PLEKHG7: variants seen among roughly 807,000 people sequenced by gnomAD.
The protein encoded by PLEKHG7 is pleckstrin homology and RhoGEF domain containing G7.
PLEKHG7 carries 77 observed loss-of-function variants against 85.2 expected under a neutral mutation model. The ratio of observed to expected loss-of-function variants is 0.90; its 90% CI spans 0.75 to 1.09. The LOEUF (loss-of-function observed/expected upper bound fraction) is 1.09. Among genes scored for constraint, PLEKHG7 ranks in the 50% least tolerant of loss-of-function variants. The pLI, the probability that PLEKHG7 is intolerant of heterozygous loss-of-function variation, is 0.00. For synonymous variants in PLEKHG7, 301 were observed against 302.4 expected (o/e 1.00, Z 0.05); for missense variants, 777 against 804.3 (o/e 0.97, Z 0.41).
chr12:92,726,345 G>C (rs865786531), intron 3 of PLEKHG7, among the ~76,000 whole-genome samples: 4 of 152,230 alleles, frequency 2.6e-5, no homozygotes, highest in Middle Eastern at 6.8e-3. Flanking sequence ...TATCCAAAAG[G>C]GTGTGACAAA....
chr12:92,758,910 G>C (rs1162716828), intron 13 of PLEKHG7, among the ~76,000 whole-genome samples: 2 of 152,202 alleles, frequency 1.3e-5, no homozygotes, highest in Non-Finnish European at 2.9e-5. Flanking sequence ...TGAGGAAACA[G>C]GACATCATTT....
In PLEKHG7 at chr12:92,756,416, A is replaced by G. The variant is rs758145432; in HGVS notation, c.1636+25A>G. Reference sequence around the variant, plus strand: ...GGTAAATAACTGCTTCCTTTAAAAAACCCAACATCTGTGCCGCCTTGTAAC... The same window carrying G: ...GGTAAATAACTGCTTCCTTTAAAAAGCCCAACATCTGTGCCGCCTTGTAAC... On this transcript the variant is annotated intron_variant, in intron 13 of 16. Coordinates refer to ENST00000344636, the MANE Select transcript of PLEKHG7 (RefSeq NM_001377329.1). The G allele has an allele frequency of 1.9e-6, 3 of 1,541,788 alleles. No homozygotes were observed. In the East Asian group the frequency reaches 6.7e-5, roughly 35 times the overall value.
intron 3 of PLEKHG7, among the ~76,000 whole-genome samples, chr12:92,727,950 G>C (rs1871866114): frequency 7.6e-6 from 1 of 131,780 alleles, no homozygotes; most frequent in Non-Finnish European, 1.6e-5. Context: ...GTGTGTGTGT[G>C]TGTGTGTGTG....
rs752596083 is a variant in PLEKHG7, at chr12:92,764,119, T to G, written c.1795T>G (p.Ser599Ala). The G allele has an allele frequency of 1.9e-6, 3 of 1,613,090 alleles. No homozygotes were observed. In the Admixed American group the frequency reaches 5.0e-5, roughly 27 times the overall value. ...GCAAGCAGTAATAAAAGAGGGTGGTTCGTGTACAGTACTCGATCAGCCTAT... is the reference window on the plus strand; with the variant it reads ...GCAAGCAGTAATAAAAGAGGGTGGTGCGTGTACAGTACTCGATCAGCCTAT... ...ELQAVIKEGG[S>A]CTVLDQPIPL... The change falls in exon 15 of 17, where the codon TCG (serine) becomes GCG (alanine). Residue 599 changes from serine to alanine, a missense_variant. Around this residue, in one of 3 missense-constraint regions of PLEKHG7, gnomAD observed 520 missense variants for 544.0 expected, o/e 0.96. Coordinates refer to ENST00000344636, the MANE Select transcript of PLEKHG7 (RefSeq NM_001377329.1).
rs1872811055 is a variant in PLEKHG7, at chr12:92,755,852, T to C, written c.1454T>C (p.Leu485Pro). 1 of 1,613,528 alleles carries C rather than the reference T, an allele frequency of 6.2e-7. No individual in the cohort carries two copies. Residue 485 changes from leucine to proline, a missense_variant, in exon 12 of 17, where the codon CTG becomes CCG. Coordinates refer to ENST00000344636, the MANE Select transcript of PLEKHG7 (RefSeq NM_001377329.1). ...IRDLEGKVKW[L>P]DNFQKFRYLQ... ...GACCTTGAAGGAAAAGTGAAGTGGC[T>C]GGACAATTTCCAAAAATTTAGATAT... is the stretch of plus-strand genomic sequence containing the variant.
At chr12:92,742,443 G>A (rs934391813) in intron 9 of PLEKHG7, among the ~76,000 whole-genome samples, 1 of 152,128 alleles carries the variant, frequency 6.6e-6, no homozygotes, top group African/African-American at 2.4e-5. Context: ...GTCACAGATA[G>A]GAAATGCTTC....
chr12:92,722,989 G>A (rs1344493361), intron 3 of PLEKHG7, among the ~76,000 whole-genome samples: 1 of 151,794 alleles, frequency 6.6e-6, no homozygotes, highest in South Asian at 2.1e-4. Context: ...CCCTCCCTGA[G>A]TGGGTCGGAA....
chr12:92,756,213 A>T, intron 12 of PLEKHG7, 85 bp from the exon 13 acceptor site: 2 of 984,790 alleles, frequency 2.0e-6, no homozygotes, highest in South Asian at 3.0e-5. Flanking sequence ...AACTTTCTAG[A>T]TGGAGTTAAT....
In PLEKHG7 at chr12:92,759,891, T is replaced by TA. The variant is rs550549013; in HGVS notation, c.1637-1855dup. Among the ~76,000 whole-genome samples the TA allele has an allele frequency of 3.1e-4, 47 of 152,282 alleles. 1 individual carries two copies. Among genetic ancestry groups the TA allele is most frequent in the Non-Finnish European group, 4.7e-4 (32 of 68,012 alleles). On this transcript the variant is annotated intron_variant, in intron 13 of 16. Transcript: ENST00000344636. ...ATTCAGCCACTGGAGACGGACAGGTTAAAAAAGATAGTTTATTTCTCTCTT... is the reference window on the plus strand; with the variant it reads ...ATTCAGCCACTGGAGACGGACAGGTTAAAAAAAGATAGTTTATTTCTCTCTT...
chr12:92,712,204 A>G (rs972691544), intron 3 of PLEKHG7, among the ~76,000 whole-genome samples: 6 of 152,250 alleles, frequency 3.9e-5, no homozygotes, highest in African/African-American at 1.4e-4. Flanking sequence ...GACCAGTGTG[A>G]TATCTTGCGG....
chr12:92,750,303 C>A (rs1433004259), intron 10 of PLEKHG7, among the ~76,000 whole-genome samples: 1 of 152,086 alleles, frequency 6.6e-6, no homozygotes, highest in African/African-American at 2.4e-5. Context: ...CCCTAACGGA[C>A]CTGAAAAATG....
intron 3 of PLEKHG7, among the ~76,000 whole-genome samples, chr12:92,715,716 C>A (rs1165987801): frequency 0.013 from 1,143 of 87,112 alleles, no homozygotes; most frequent in African/African-American, 0.02. Flanking sequence ...GTTCTTGCCT[C>A]AAAAAAAAAA....
chr12:92,754,419 G>A (rs952705904), intron 11 of PLEKHG7, among the ~76,000 whole-genome samples, 155 bp downstream of exon 11: 1 of 152,156 alleles, frequency 6.6e-6, no homozygotes, highest in African/African-American at 2.4e-5. Context: ...TAAATCAAAT[G>A]CGCACAGAAC....
rs1872926486 is a variant in PLEKHG7 at position 92,759,469 on chromosome 12, G to A, written c.1637-2283G>A. Among the ~76,000 whole-genome samples, 4 of 147,810 alleles carry A rather than the reference G, an allele frequency of 2.7e-5. No homozygotes were observed. In the South Asian group the frequency reaches 6.3e-4, roughly 23 times the overall value. ...GTGGACTGAATTGTGTTCTTCCATT[G>A]CTGTGGACTGAATTGTGTTCTTCCA... On this transcript the variant is annotated intron_variant, in intron 13 of 16. Coordinates refer to ENST00000344636, the MANE Select transcript of PLEKHG7 (RefSeq NM_001377329.1).
chr12:92,744,453 T>C (rs1872465269), intron 9 of PLEKHG7, among the ~76,000 whole-genome samples: 1 of 152,176 alleles, frequency 6.6e-6, no homozygotes, highest in African/African-American at 2.4e-5. Context: ...TTACCCATTA[T>C]ATGTATGAAT....
intron 9 of PLEKHG7, among the ~76,000 whole-genome samples, chr12:92,743,840 G>T (rs938253512): frequency 2.6e-5 from 4 of 152,058 alleles, no homozygotes; most frequent in Non-Finnish European, 4.4e-5. Context: ...GATTACAGGC[G>T]CAAGTCACCG....
At chr12:92,743,454 G>A (rs1185064544) in intron 9 of PLEKHG7, among the ~76,000 whole-genome samples, 2 of 151,916 alleles carry the variant, frequency 1.3e-5, no homozygotes, top group Non-Finnish European at 2.9e-5. Flanking sequence ...CAATGAGATA[G>A]AAACTGAGGC....
At chr12:92,724,986 A>G (rs1422640418) in intron 3 of PLEKHG7, among the ~76,000 whole-genome samples, 2 of 152,206 alleles carry the variant, frequency 1.3e-5, no homozygotes, top group East Asian at 3.8e-4. Flanking sequence ...TGATTAAAAA[A>G]AAAAATAGAA....
In PLEKHG7 at chr12:92,728,896, G is replaced by A. The variant is rs932845293; in HGVS notation, c.531-97G>A. 12 of 999,072 alleles carry A rather than the reference G, an allele frequency of 1.2e-5. No homozygotes were observed. In the East Asian group the frequency reaches 1.6e-4, roughly 14 times the overall value. The allele number at this position is 999,072 out of a possible 1,614,324, so 61.9% of individuals were successfully genotyped here. ...TAAGCATCCCTTTCTCCACAACCACGCCAACATCTGTTGTTTTTTTACTTT... is the reference window on the plus strand; with the variant it reads ...TAAGCATCCCTTTCTCCACAACCACACCAACATCTGTTGTTTTTTTACTTT... On this transcript the variant is annotated intron_variant, in intron 3 of 16. Transcript: ENST00000344636.
Sources: gnomAD v4.1 joint callset for allele counts (sites outside exome capture counted in the v4.1 genomes callset) on GRCh38, gnomAD v4.1.1 for gene constraint, gnomAD v4.1.1 regional missense constraint, MANE v1.5 for transcripts, NCBI Gene and HGNC (gene_info 2026-07-23, HGNC 2026-07-21) for gene names.